ODF2L: variants seen among roughly 807,000 people sequenced by gnomAD.
ODF2L encodes protein BCAP.
ODF2L carries 76 observed loss-of-function variants against 86.3 expected under a neutral mutation model. The ratio of observed to expected loss-of-function variants is 0.88; its 90% CI spans 0.73 to 1.07. The LOEUF (loss-of-function observed/expected upper bound fraction) is 1.07, where lower values mean the gene tolerates loss of function less well. Ranked by LOEUF, ODF2L falls within the 50% of genes least tolerant of loss-of-function variation. The pLI is 0.00. For missense variants in ODF2L, 748 were observed against 717.4 expected, an observed-to-expected ratio of 1.04 and a Z score of -0.49; for synonymous variants, 241 against 231.3, an observed-to-expected ratio of 1.04 and a Z score of -0.38.
intron 11 of ODF2L, among the ~76,000 whole-genome samples, chr1:86,362,605 A>C (rs1239213306): frequency 6.6e-6 from 1 of 152,092 alleles, no homozygotes; most frequent in Non-Finnish European, 1.5e-5. Flanking sequence ...AATGACCTTC[A>C]GTGAAGGACA....
At chr1:86,390,019 C>T (rs986062349) in intron 1 of ODF2L, among the ~76,000 whole-genome samples, 1 of 152,142 alleles carries the variant, frequency 6.6e-6, no homozygotes, top group Admixed American at 6.5e-5. Context: ...AAGAGAGAAT[C>T]CTCCCTAAAT....
chr1:86,348,713 TA>T, downstream of ODF2L: 1 of 1,385,428 alleles, frequency 7.2e-7, no homozygotes, highest in South Asian at 1.7e-5. Context: ...AGACTCATAA[TA>T]AAAATCTACT....
At chr1:86,374,922 C>T (rs1376025774) in intron 8 of ODF2L, 2 of 152,062 alleles carry the variant, frequency 1.3e-5, no homozygotes, top group Non-Finnish European at 2.9e-5. Context: ...GGTACCCTTA[C>T]CTTAGGTGAA....
chr1:86,380,395 GTAAGTCGACA>G (rs766496625), intron 7 of ODF2L, among the ~76,000 whole-genome samples: 17 of 152,266 alleles, frequency 1.1e-4, no homozygotes, highest in Middle Eastern at 3.4e-3. Flanking sequence ...CAGCAGTACA[GTAAGTCGACA>G]TAAGACAAAG....
intron 7 of ODF2L, among the ~76,000 whole-genome samples, chr1:86,377,984 A>G (rs1295337847): frequency 2.6e-5 from 4 of 152,248 alleles, no homozygotes; most frequent in Admixed American, 6.5e-5. Context: ...GGCAGGCTGC[A>G]AATTTTCCAA....
chr1:86,355,469 C>T (rs536670555), intron 14 of ODF2L: 14 of 719,002 alleles, frequency 1.9e-5, no homozygotes, highest in East Asian at 5.5e-5. Flanking sequence ...TAATCTATGT[C>T]GTTTGACATT....
At chr1:86,347,836 G>C (rs1657888091), downstream of ODF2L, 1 of 152,180 alleles carries the variant, frequency 6.6e-6, no homozygotes, top group South Asian at 2.1e-4. Context: ...TCCCCTTTTA[G>C]AGTATCCTGC....
At chr1:86,381,261 G>A (rs1022668567) in intron 7 of ODF2L, among the ~76,000 whole-genome samples, 6 of 152,200 alleles carry the variant, frequency 3.9e-5, no homozygotes, top group Admixed American at 2.6e-4. Flanking sequence ...AAGATAAATT[G>A]GGAAAGATGA....
chr1:86,376,160 GCAT>G, intron 8 of ODF2L, 70 bp downstream of exon 8: 2 of 755,890 alleles, frequency 2.6e-6, no homozygotes, highest in Non-Finnish European at 4.1e-6. Flanking sequence ...ACTATATTAA[GCAT>G]CATGATATTA....
chr1:86,384,747 T>C (rs781296873), exon 4 of ODF2L: 3 of 1,528,088 alleles, frequency 2.0e-6, no homozygotes, highest in South Asian at 2.6e-5. Flanking sequence ...TCTAATTCTT[T>C]TATTAATATT....
downstream of ODF2L, chr1:86,349,415 T>C (rs1657978398): frequency 6.6e-6 from 1 of 152,190 alleles, no homozygotes; most frequent in Admixed American, 6.5e-5. Context: ...GTAGGTGAGT[T>C]CACTGACAAT....
intron 17 of ODF2L, chr1:86,352,306 A>G: frequency 7.5e-7 from 1 of 1,331,362 alleles, no homozygotes; most frequent in South Asian, 2.0e-5. Flanking sequence ...AGAATATTCT[A>G]TGCCAATTGA....
exon 2 of ODF2L, chr1:86,387,079 G>T: frequency 1.3e-6 from 1 of 792,336 alleles, no homozygotes. Context: ...CTCCACATAA[G>T]CTGAAAGCTA....
chr1:86,357,340 A>G (rs111586173), intron 13 of ODF2L, among the ~76,000 whole-genome samples: 12 of 152,026 alleles, frequency 7.9e-5, no homozygotes, highest in African/African-American at 2.9e-4. Context: ...ATCAGGAAAG[A>G]TAATGCAGTA....
chr1:86,376,096 G>T, intron 8 of ODF2L, 137 bp downstream of exon 8: 1 of 461,490 alleles, frequency 2.2e-6, no homozygotes, highest in Non-Finnish European at 3.8e-6. Context: ...AAAGATTAAA[G>T]CAAAAAGTGT....
chr1:86,365,640 A>T (rs1411951496), intron 11 of ODF2L, among the ~76,000 whole-genome samples: 1 of 152,202 alleles, frequency 6.6e-6, no homozygotes, highest in Non-Finnish European at 1.5e-5. Flanking sequence ...AAGGAAAAAG[A>T]ATGTTTGTAA....
intron 10 of ODF2L, among the ~76,000 whole-genome samples, chr1:86,369,850 A>C (rs1380247183): frequency 6.6e-6 from 1 of 152,180 alleles, no homozygotes; most frequent in African/African-American, 2.4e-5. Flanking sequence ...GAAAGGGTAA[A>C]AGAGATTTGG....
intron 2 of ODF2L, chr1:86,385,821 A>T (rs1660917216): frequency 3.2e-6 from 1 of 315,512 alleles, no homozygotes; most frequent in East Asian, 5.2e-5. Flanking sequence ...ATGTACGTAT[A>T]GTTAAGTTTG....
downstream of ODF2L, chr1:86,348,297 T>C (rs1466327627): frequency 1.3e-5 from 2 of 151,862 alleles, no homozygotes; most frequent in Admixed American, 1.3e-4. Flanking sequence ...TTTAGTAGCT[T>C]TAGAAAGTAT....
Sources: allele counts gnomAD v4.1 joint callset (sites outside exome capture counted in the v4.1 genomes callset), GRCh38; gene constraint gnomAD v4.1.1; transcripts MANE v1.5; gene names NCBI Gene and HGNC (gene_info 2026-07-23, HGNC 2026-07-21).